Variants in OPCML observed in about 807,000 individuals in gnomAD.
OPCML encodes the protein opioid-binding protein/cell adhesion molecule.
OPCML carries 13 observed loss-of-function variants against 37.8 expected under a neutral mutation model. The ratio of observed to expected loss-of-function variants is 0.34; its 90% CI spans 0.22 to 0.55. The LOEUF (loss-of-function observed/expected upper bound fraction) is 0.55. Among genes scored for constraint, OPCML ranks in the 20% least tolerant of loss-of-function variants. The pLI, the probability that OPCML is intolerant of heterozygous loss-of-function variation, is 0.91. For synonymous variants in OPCML, 176 were observed against 168.8 expected (o/e 1.04, Z -0.33); for missense variants, 341 against 435.6 (o/e 0.78, Z 1.93).
At chr11:133,294,824 T>C (rs1211521948) in intron 1 of OPCML, among the ~76,000 whole-genome samples, 4 of 125,494 alleles carry the variant, frequency 3.2e-5, no homozygotes, top group Non-Finnish European at 1.7e-5. Context: ...TCTTTTTTTT[T>C]TTTTTTTTTT....
chr11:132,712,301 C>T (rs932869677), intron 2 of OPCML, among the ~76,000 whole-genome samples: 12 of 151,790 alleles, frequency 7.9e-5, no homozygotes, highest in South Asian at 6.3e-4. Flanking sequence ...GGTGCCCCCA[C>T]CCTCCCCCAC....
At chr11:133,095,838 CACCA>C (rs1948994361) in intron 1 of OPCML, among the ~76,000 whole-genome samples, 1 of 151,592 alleles carries the variant, frequency 6.6e-6, no homozygotes, top group Non-Finnish European at 1.5e-5. Flanking sequence ...CGAAACAAAA[CACCA>C]ACCAAGAATT....
chr11:133,504,836 C>T (rs1035691546), intron 1 of OPCML, among the ~76,000 whole-genome samples: 5 of 152,120 alleles, frequency 3.3e-5, no homozygotes, highest in Non-Finnish European at 7.3e-5. Flanking sequence ...ACCATGGAGA[C>T]AAAATGTCAT....
intron 3 of OPCML, among the ~76,000 whole-genome samples, chr11:132,655,589 G>T (rs1256457350): frequency 6.6e-6 from 1 of 152,244 alleles, no homozygotes; most frequent in East Asian, 1.9e-4. Flanking sequence ...ACGCCTGAAA[G>T]CACGCGAGGA....
intron 4 of OPCML, among the ~76,000 whole-genome samples, chr11:132,440,490 G>C (rs535803112): frequency 6.6e-6 from 1 of 152,124 alleles, no homozygotes; most frequent in African/African-American, 2.4e-5. Context: ...CGCGCTGTTC[G>C]TGGGCTCTCT....
chr11:133,420,119 G>C (rs1326183970), intron 1 of OPCML: 2 of 313,302 alleles, frequency 6.4e-6, no homozygotes, highest in East Asian at 3.4e-4. Flanking sequence ...TACCGTGCTA[G>C]AGATCCTTTA....
At chr11:133,317,129 G>A (rs1338901485) in intron 1 of OPCML, among the ~76,000 whole-genome samples, 1 of 152,148 alleles carries the variant, frequency 6.6e-6, no homozygotes, top group Non-Finnish European at 1.5e-5. Context: ...ACCCAGAGGC[G>A]GAGGTTGCAG....
intron 1 of OPCML, among the ~76,000 whole-genome samples, chr11:132,984,837 GT>G (rs1408696148): frequency 6.6e-6 from 1 of 152,172 alleles, no homozygotes; most frequent in East Asian, 1.9e-4. Context: ...CACCCCAGTA[GT>G]GTTCTGTTCA....
chr11:132,593,794 A>G (rs532891772), intron 3 of OPCML, among the ~76,000 whole-genome samples: 88 of 152,356 alleles, frequency 5.8e-4, no homozygotes, highest in African/African-American at 1.8e-3. Context: ...CAAGCAATTA[A>G]TTAATTACTG....
intron 1 of OPCML, among the ~76,000 whole-genome samples, chr11:133,503,257 G>A (rs912148418): frequency 6.6e-6 from 1 of 152,176 alleles, no homozygotes; most frequent in Non-Finnish European, 1.5e-5. Flanking sequence ...CTGGCCCTAT[G>A]AGCTCTGTGG....
chr11:132,774,738 A>C (rs1466803808), intron 2 of OPCML, among the ~76,000 whole-genome samples: 2 of 152,220 alleles, frequency 1.3e-5, no homozygotes, highest in Non-Finnish European at 2.9e-5. Context: ...TGTCTCCAGC[A>C]GACTGTGCCC....
At chr11:132,586,198 C>T (rs1053886312) in intron 3 of OPCML, among the ~76,000 whole-genome samples, 1 of 152,186 alleles carries the variant, frequency 6.6e-6, no homozygotes, top group Non-Finnish European at 1.5e-5. Flanking sequence ...AAGTGGAAAT[C>T]TTTGTACATG....
chr11:132,989,244 C>T (rs1946732077), intron 1 of OPCML, among the ~76,000 whole-genome samples: 2 of 152,230 alleles, frequency 1.3e-5, no homozygotes, highest in South Asian at 4.2e-4. Context: ...TAGTCACCAA[C>T]ATAAAAATGG....
intron 1 of OPCML, among the ~76,000 whole-genome samples, chr11:132,951,601 C>T (rs978606404): frequency 9.9e-5 from 15 of 152,174 alleles, no homozygotes; most frequent in Non-Finnish European, 8.8e-5. Context: ...AAATAATTGG[C>T]ATCATGCCTG....
intron 1 of OPCML, among the ~76,000 whole-genome samples, chr11:133,352,554 T>C (rs1334298839): frequency 1.3e-5 from 2 of 152,234 alleles, no homozygotes; most frequent in Non-Finnish European, 2.9e-5. Context: ...TTCACTTCAA[T>C]ATAAATGGAG....
intron 1 of OPCML, among the ~76,000 whole-genome samples, chr11:133,179,891 C>G (rs181823828): frequency 6.6e-6 from 1 of 152,040 alleles, no homozygotes; most frequent in South Asian, 2.1e-4. Flanking sequence ...CAGTGGGTAA[C>G]CATGGAGGGG....
intron 2 of OPCML, among the ~76,000 whole-genome samples, chr11:132,663,687 T>C (rs1347676252): frequency 6.6e-6 from 1 of 152,176 alleles, no homozygotes; most frequent in Non-Finnish European, 1.5e-5. Context: ...TAATGAAGGT[T>C]CCCAAGCGCT....
At chr11:132,913,624 G>A (rs372525928) in intron 2 of OPCML, among the ~76,000 whole-genome samples, 7 of 152,200 alleles carry the variant, frequency 4.6e-5, no homozygotes, top group East Asian at 1.9e-4. Flanking sequence ...GTATAGTGCC[G>A]TGGGCCTCCA....
intron 1 of OPCML, among the ~76,000 whole-genome samples, chr11:133,454,596 TTAAA>T (rs1946639972): frequency 6.6e-6 from 1 of 152,182 alleles, no homozygotes; most frequent in Admixed American, 6.5e-5. Context: ...GCAATTTGTC[TTAAA>T]TAAGATGCTG....
Sources: gnomAD v4.1 joint callset for allele counts (sites outside exome capture counted in the v4.1 genomes callset) on GRCh38, gnomAD v4.1.1 for gene constraint, MANE v1.5 for transcripts, NCBI Gene and HGNC (gene_info 2026-07-23, HGNC 2026-07-21) for gene names.